Variants in GAS7 observed in about 807,000 individuals in gnomAD.
The protein encoded by GAS7 is growth arrest-specific protein 7.
GAS7 carries 28 observed loss-of-function variants against 71.1 expected under a neutral mutation model. That is an observed-to-expected ratio of 0.39 (90% confidence interval 0.29 to 0.54). The LOEUF (loss-of-function observed/expected upper bound fraction) is 0.54. Ranked by LOEUF, GAS7 falls within the 20% of genes least tolerant of loss-of-function variation. The probability of loss-of-function intolerance (pLI) is 0.62; values close to 1 mark genes in which losing one functional copy is unlikely to be tolerated. For missense variants in GAS7, 436 were observed against 627.8 expected (o/e 0.69, Z 3.27); for synonymous variants, 258 against 245.8 (o/e 1.05, Z -0.46).
chr17:10,025,179 G>C (rs1224230223), intron 1 of GAS7, among the ~76,000 whole-genome samples: 1 of 152,184 alleles, frequency 6.6e-6, no homozygotes, highest in Non-Finnish European at 1.5e-5. Flanking sequence ...GAGGCAGGAG[G>C]ATTGCTTGAG....
chr17:10,110,045 C>G (rs1032941056), intron 1 of GAS7, among the ~76,000 whole-genome samples: 1 of 137,786 alleles, frequency 7.3e-6, no homozygotes, highest in Non-Finnish European at 1.5e-5. Context: ...CACAGCAAGG[C>G]TCCGTCTCAA....
At chr17:10,198,169 G>C (rs1489794767) in intron 1 of GAS7, 39 bp downstream of exon 1, 2 of 1,581,562 alleles carry the variant, frequency 1.3e-6, no homozygotes, top group Admixed American at 3.3e-5. Context: ...ACCGAGGACC[G>C]CAGCCCCGGC....
intron 1 of GAS7, among the ~76,000 whole-genome samples, chr17:10,062,441 C>A (rs987172257): frequency 6.6e-6 from 1 of 152,136 alleles, no homozygotes; most frequent in Admixed American, 6.5e-5. Flanking sequence ...GCCGAGATTG[C>A]GTCGCTGCAC....
intron 1 of GAS7, among the ~76,000 whole-genome samples, chr17:10,122,375 C>G (rs1433285606): frequency 2.6e-5 from 4 of 152,234 alleles, no homozygotes; most frequent in African/African-American, 7.2e-5. Flanking sequence ...GAGACCCAGA[C>G]AGCCTCCGTT....
chr17:9,947,337 C>T (rs754536656), intron 5 of GAS7, among the ~76,000 whole-genome samples: 19 of 152,098 alleles, frequency 1.2e-4, no homozygotes, highest in Non-Finnish European at 1.8e-4. Flanking sequence ...TATTTATGGC[C>T]GTTAAAGGCT....
intron 1 of GAS7, among the ~76,000 whole-genome samples, chr17:10,173,228 C>G (rs914369946): frequency 6.6e-6 from 1 of 152,014 alleles, no homozygotes; most frequent in East Asian, 1.9e-4. Context: ...GGGTTACTTT[C>G]GGGATGATGA....
chr17:10,127,722 C>A (rs1041245789), intron 1 of GAS7, among the ~76,000 whole-genome samples: 3 of 152,192 alleles, frequency 2.0e-5, no homozygotes, highest in African/African-American at 7.2e-5. Context: ...TGTGAACCGA[C>A]CCCAGTCTCT....
At chr17:9,923,373 C>G (rs1385941088) in intron 11 of GAS7, among the ~76,000 whole-genome samples, 1 of 112,252 alleles carries the variant, frequency 8.9e-6, no homozygotes, top group Admixed American at 8.3e-5. Flanking sequence ...AATAGACAAA[C>G]AAGCAAAAAA....
intron 9 of GAS7, among the ~76,000 whole-genome samples, chr17:9,932,661 T>C (rs1277342257): frequency 6.6e-6 from 1 of 152,086 alleles, no homozygotes; most frequent in Non-Finnish European, 1.5e-5. Flanking sequence ...GAGAGTCACT[T>C]GGAAACATGG....
At chr17:10,000,955 C>T (rs146190269) in intron 2 of GAS7, among the ~76,000 whole-genome samples, 183 of 152,296 alleles carry the variant, frequency 1.2e-3, no homozygotes, top group African/African-American at 4.3e-3. Flanking sequence ...CACACTCCTT[C>T]TCCAGTGGCA....
chr17:9,946,095 T>C (rs1246262417), intron 6 of GAS7, among the ~76,000 whole-genome samples: 1 of 152,204 alleles, frequency 6.6e-6, no homozygotes, highest in Non-Finnish European at 1.5e-5. Flanking sequence ...TGGTTTTCAA[T>C]ACATTCACAG....
chr17:10,163,179 CG>C (rs2074269094), intron 1 of GAS7, among the ~76,000 whole-genome samples: 1 of 152,136 alleles, frequency 6.6e-6, no homozygotes, highest in Non-Finnish European at 1.5e-5. Flanking sequence ...CGCGTGATCT[CG>C]GCTCACTGCA....
chr17:10,050,075 G>A (rs2073042196), intron 1 of GAS7, among the ~76,000 whole-genome samples: 4 of 151,916 alleles, frequency 2.6e-5, no homozygotes, highest in South Asian at 4.2e-4. Flanking sequence ...TCTATAATGA[G>A]CATATTAATT....
rs1359873635 is a variant in GAS7 at position 10,046,744 on chromosome 17, A to AAAAAAAG, written c.184-26848_184-26847insCTTTTTT. Among the ~76,000 whole-genome samples, 1,030 of 130,152 alleles carry AAAAAAAG rather than the reference A, an allele frequency of 7.9e-3. 41 individuals carry two copies. The highest frequency in any genetic ancestry group is 0.029 in the African/African-American group (739 of 25,570). The allele number at this position is 130,152 out of a possible 152,430, so 85.4% of individuals were successfully genotyped here. On this transcript the variant is annotated intron_variant, in intron 1 of 13. Coordinates refer to ENST00000432992, the MANE Select transcript of GAS7 (RefSeq NM_201433.2). ...GAGCAAGACTCTGTCTCAAAAAAAA[A>AAAAAAAG]AAAAGAAAAGAAAAGAAAGAAAGAA...
chr17:9,930,711 A>G (rs2068178700), intron 9 of GAS7, among the ~76,000 whole-genome samples: 2 of 152,168 alleles, frequency 1.3e-5, no homozygotes, highest in Non-Finnish European at 2.9e-5. Flanking sequence ...CAGAATTTCA[A>G]TAAGTCTTTT....
At chr17:9,953,134 T>C (rs902003710) in intron 5 of GAS7, among the ~76,000 whole-genome samples, 1 of 150,324 alleles carries the variant, frequency 6.7e-6, no homozygotes, top group Non-Finnish European at 1.5e-5. Flanking sequence ...GGAAACGTGG[T>C]ACATATACAA....
chr17:9,936,488 C>A (rs2152086017), intron 8 of GAS7, among the ~76,000 whole-genome samples: 2 of 152,236 alleles, frequency 1.3e-5, no homozygotes, highest in East Asian at 3.9e-4. Context: ...TTCCCCCACC[C>A]AACACAACGT....
At chr17:10,084,808 G>A (rs1419596939) in intron 1 of GAS7, among the ~76,000 whole-genome samples, 1 of 152,204 alleles carries the variant, frequency 6.6e-6, no homozygotes, top group Admixed American at 6.5e-5. Context: ...TTTTTTAAGG[G>A]GATTCTCTCT....
At chr17:10,141,427 A>G (rs4791385) in intron 1 of GAS7, among the ~76,000 whole-genome samples, 89,141 of 151,542 alleles carry the variant, frequency 0.59, 28,377 homozygotes, top group East Asian at 0.85. Context: ...CAGCCTGGGC[A>G]ACAGCAAGAC....
Sources: gnomAD v4.1 joint callset for allele counts (sites outside exome capture counted in the v4.1 genomes callset) on GRCh38, gnomAD v4.1.1 for gene constraint, MANE v1.5 for transcripts, NCBI Gene and HGNC (gene_info 2026-07-23, HGNC 2026-07-21) for gene names.